The following EZR variants were observed in gnomAD, a reference collection of about 807,000 sequenced individuals.
EZR encodes the protein cytovillin 2.
In EZR, 40 loss-of-function variants were observed where a neutral mutation model predicts 74.8. The ratio of observed to expected loss-of-function variants is 0.53; its 90% CI spans 0.42 to 0.70. The LOEUF (loss-of-function observed/expected upper bound fraction) is 0.70, where lower values mean the gene tolerates loss of function less well. EZR is among the 30% of genes least tolerant of loss of function. EZR has a pLI of 0.00. For missense variants in EZR, 678 were observed against 755.8 expected (o/e 0.90, Z 1.21); for synonymous variants, 341 against 283.3 (o/e 1.20, Z -2.05).
In EZR at chr6:158,765,956, G is replaced by C. The variant is rs1229130525; in HGVS notation, c.*958C>G. On this transcript the variant is annotated 3_prime_UTR_variant, in exon 14 of 14. Coordinates refer to ENST00000367075, the MANE Select transcript of EZR (RefSeq NM_001111077.2). ...AAGCAAACAGAGTCTCTTCACAGCT[G>C]GAGTCTGAAAGCTCATAGTGGCATG... The C allele has an allele frequency of 6.6e-6, 1 of 152,478 alleles. No individual in the cohort carries two copies. The highest frequency in any genetic ancestry group is 1.5e-5 in the Non-Finnish European group (1 of 68,050). 9.4% of individuals were successfully genotyped at this position (152,478 alleles called of 1,614,324 possible).
chr6:158,772,157 G>A (rs1478465849), intron 8 of EZR, among the ~76,000 whole-genome samples: 1 of 152,240 alleles, frequency 6.6e-6, no homozygotes, highest in African/African-American at 2.4e-5. Context: ...TCACTCCAGT[G>A]ACTCCTTTCA....
At position 158,766,942 on chromosome 6, in the gene EZR, T is replaced by C; in HGVS notation, c.1733A>G (p.Gln578Arg). 6.2e-7 allele frequency: 1 copy of C among 1,614,170 alleles called. No individual in the cohort carries two copies. Among genetic ancestry groups the C allele is most frequent in the Non-Finnish European group, 8.5e-7 (1 of 1,180,018 alleles). ...CAGGGCCTCGAACTCGTCGATGCGC[T>C]GCTTGGTGTTGCCCTGCCGGATCTG... is the stretch of plus-strand genomic sequence containing the variant. ...LRQIRQGNTK[Q>R]RIDEFEAL The change falls in exon 14 of 14, where the codon CAG (glutamine) becomes CGG (arginine). Residue 578 changes from glutamine (Q) to arginine (R), a missense_variant. By Grantham distance (43) the Gln-to-Arg change is conservative. Coordinates refer to ENST00000367075, the MANE Select transcript of EZR (RefSeq NM_001111077.2).
At position 158,798,622 on chromosome 6, in the gene EZR, C is replaced by CTGTTT. The variant is rs1554274399; in HGVS notation, c.13-9252_13-9251insAAACA. Among the ~76,000 whole-genome samples the CTGTTT allele has an allele frequency of 1.6e-5, 2 of 122,204 alleles. 1 individual carries two copies. The highest frequency in any genetic ancestry group is 3.3e-5 in the Non-Finnish European group (2 of 60,530). 80.2% of individuals were successfully genotyped at this position (122,204 alleles called of 152,430 possible). ...AAAAGGGACTTAGTTTGCTGCTCCGCTTTTTTTTTTTTTTTTTTTTTTTTT... is the reference window on the plus strand; with the variant it reads ...AAAAGGGACTTAGTTTGCTGCTCCGCTGTTTTTTTTTTTTTTTTTTTTTTTTTTTT... On this transcript the variant is annotated intron_variant, in intron 2 of 13. Transcript: ENST00000367075.
intron 2 of EZR, among the ~76,000 whole-genome samples, chr6:158,807,314 CA>C (rs56041297): frequency 0.5 from 67,569 of 135,490 alleles, 16,386 homozygotes; most frequent in Non-Finnish European, 0.58. Context: ...GACTCCGTCT[CA>C]AAAAAAAAAA....
In EZR at chr6:158,768,039, T is replaced by C. The variant is rs535978441; in HGVS notation, c.1345-527A>G. On this transcript the variant is annotated intron_variant, in intron 12 of 13. Transcript: ENST00000367075. ...AGAACCAAAGTCTTCCGCTTGCAAC[T>C]TGGGATGGTGATATGGCTGTGTCCC... 7.2e-5 allele frequency among the ~76,000 whole-genome samples: 11 copies of C among 151,980 alleles called. No homozygotes were observed. In the South Asian group the frequency reaches 8.3e-4, roughly 11 times the overall value.
intron 2 of EZR, among the ~76,000 whole-genome samples, chr6:158,809,497 GACCC>G (rs1183165572): frequency 6.6e-6 from 1 of 152,124 alleles, no homozygotes; most frequent in Admixed American, 6.5e-5. Flanking sequence ...TCTACACAAA[GACCC>G]ACCCAAACAC....
At chr6:158,801,871 A>G (rs1777194427) in intron 2 of EZR, among the ~76,000 whole-genome samples, 1 of 152,262 alleles carries the variant, frequency 6.6e-6, no homozygotes, top group Admixed American at 6.5e-5. Context: ...TTCCGAGTAC[A>G]GACCAGTGTT....
chr6:158,813,556 G>A (rs893348586), intron 2 of EZR, among the ~76,000 whole-genome samples: 13 of 119,616 alleles, frequency 1.1e-4, no homozygotes, highest in Non-Finnish European at 2.1e-4. Context: ...TGGAGGAGGA[G>A]GGGTGGAAAC....
chr6:158,780,075 C>T (rs1274760025), intron 7 of EZR, among the ~76,000 whole-genome samples: 9 of 151,218 alleles, frequency 6.0e-5, no homozygotes, highest in South Asian at 4.2e-4. Flanking sequence ...CCTGGCTACT[C>T]GGGAGGCTGA....
intron 5 of EZR, 79 bp from the exon 6 acceptor site, chr6:158,784,806 T>C (rs1791526724): frequency 1.7e-6 from 2 of 1,144,080 alleles, no homozygotes; most frequent in Non-Finnish European, 2.6e-6. Flanking sequence ...ACCACCCACA[T>C]TCAAACCCTT....
chr6:158,789,966 TTC>T (rs1189391614), intron 2 of EZR, among the ~76,000 whole-genome samples: 4 of 152,174 alleles, frequency 2.6e-5, no homozygotes, highest in African/African-American at 9.7e-5. Context: ...TAACCTATTT[TTC>T]CATGCACCAT....
rs765081146 is a variant in EZR, at chr6:158,794,890, G to A, written c.13-5519C>T. 5.9e-5 allele frequency among the ~76,000 whole-genome samples: 9 copies of A among 152,206 alleles called. No individual in the cohort carries two copies. The East Asian group carries it at 9.7e-4, about 16-fold the overall frequency. Reference sequence around the variant, plus strand: ...AGACAAAAAGAACCATGTGGTTGACGGTACAGATGAAGCTAATGAAAAACC... The same window carrying A: ...AGACAAAAAGAACCATGTGGTTGACAGTACAGATGAAGCTAATGAAAAACC... On this transcript the variant is annotated intron_variant, in intron 2 of 13. Coordinates refer to ENST00000367075, the MANE Select transcript of EZR (RefSeq NM_001111077.2).
Position 158,789,270 on chromosome 6 carries a change from T to C in EZR, c.96+18A>G. 1 of 1,605,528 alleles carries C rather than the reference T, an allele frequency of 6.2e-7. No homozygotes were observed. The highest frequency in any genetic ancestry group is 1.3e-5 in the African/African-American group (1 of 74,738). ...TTTTTTTTGTAGGTGGAGTTAACTC[T>C]CAAGTTCAGAGACCAACCTGATCAA... is the stretch of plus-strand genomic sequence containing the variant. On this transcript the variant is annotated intron_variant, in intron 3 of 13. Coordinates refer to ENST00000367075, the MANE Select transcript of EZR (RefSeq NM_001111077.2).
rs1334456304 is a variant in EZR at position 158,787,198 on chromosome 6, T to G, written c.102A>C (p.Val34=). The G allele has an allele frequency of 1.9e-6, 3 of 1,612,520 alleles. No individual in the cohort carries two copies. Residue 34 remains valine, a synonymous_variant, in exon 4 of 14, where the codon GTA becomes GTC. Transcript: ENST00000367075. The stretch of plus-strand genomic sequence containing the variant: ...ACACTTCCCGGAGGCCGATAGTCTT[T>G]ACCACCTGCGTGAGAGAGAGAGAGG... ...TTGKQLFDQV[V]KTIGLREVWY...
intron 2 of EZR, among the ~76,000 whole-genome samples, chr6:158,793,768 C>T (rs972749065): frequency 5.3e-5 from 8 of 152,142 alleles, no homozygotes; most frequent in African/African-American, 1.9e-4. Flanking sequence ...GAGATCCTCC[C>T]CAGATTAAGT....
intron 7 of EZR, among the ~76,000 whole-genome samples, chr6:158,777,242 G>C (rs1791305386): frequency 6.6e-6 from 1 of 152,232 alleles, no homozygotes. Context: ...CAGAGGCCTT[G>C]CTATGCATTC....
rs568727914 is a variant in EZR at position 158,787,652 on chromosome 6, T to C, written c.97-449A>G. ...TCCAGTGCCACACCTGAGCCTCCTC[T>C]GGCTGCCTGCCTCTGCCTCTCAGCC... On this transcript the variant is annotated intron_variant, in intron 3 of 13. Transcript: ENST00000367075. 2.0e-5 allele frequency among the ~76,000 whole-genome samples: 3 copies of C among 152,322 alleles called. No homozygotes were observed. The South Asian group carries it at 6.2e-4, about 32-fold the overall frequency.
chr6:158,771,056 G>C (rs1337885581), intron 9 of EZR, among the ~76,000 whole-genome samples, 162 bp from the exon 10 acceptor site: 1 of 152,192 alleles, frequency 6.6e-6, no homozygotes, highest in Non-Finnish European at 1.5e-5. Context: ...AGCCGCTCCA[G>C]GGCTGACAAC....
intron 2 of EZR, among the ~76,000 whole-genome samples, chr6:158,794,610 C>T (rs577132503): frequency 3.3e-5 from 5 of 152,210 alleles, no homozygotes; most frequent in African/African-American, 7.2e-5. Context: ...AAAAAGAGCG[C>T]GTGGTCTGCA....
Sources: gnomAD v4.1 joint callset for allele counts (sites outside exome capture counted in the v4.1 genomes callset) on GRCh38, gnomAD v4.1.1 for gene constraint, MANE v1.5 for transcripts, NCBI Gene and HGNC (gene_info 2026-07-23, HGNC 2026-07-21) for gene names.